The following FREM1 variants were observed in gnomAD, a reference collection of about 807,000 sequenced individuals.
FREM1 encodes the protein FRAS1-related extracellular matrix protein 1.
In FREM1, 220 loss-of-function variants were observed where a neutral mutation model predicts 210.1. The observed-to-expected ratio is 1.05, with a 90% CI of 0.94 to 1.17. FREM1 has a LOEUF of 1.17. Among genes scored for constraint, FREM1 ranks in the 50% most tolerant of loss-of-function variants. FREM1 has a pLI of 0.00. For synonymous variants in FREM1, 1,189 were observed against 980.2 expected (o/e 1.21, Z -3.98); for missense variants, 3,454 against 2,675.5 (o/e 1.29, Z -6.42).
chr9:14,764,179 C>T (rs141247743), intron 27 of FREM1, among the ~76,000 whole-genome samples: 65 of 152,292 alleles, frequency 4.3e-4, no homozygotes, highest in African/African-American at 1.6e-3. Context: ...TTCTCTCTTG[C>T]CTGCCACCAT....
At chr9:14,739,303 T>C (rs917425763) in intron 36 of FREM1, among the ~76,000 whole-genome samples, 1 of 151,338 alleles carries the variant, frequency 6.6e-6, no homozygotes, top group Non-Finnish European at 1.5e-5. Context: ...AAGGTCTCAC[T>C]ATGTTGCCTA....
intron 29 of FREM1, among the ~76,000 whole-genome samples, chr9:14,754,799 T>G (rs552757077): frequency 2.0e-5 from 3 of 152,172 alleles, no homozygotes; most frequent in African/African-American, 7.2e-5. Context: ...CCAGGTGTGG[T>G]GGTGTGCGCC....
chr9:14,813,875 G>A (rs1449296327), intron 15 of FREM1, among the ~76,000 whole-genome samples: 2 of 152,118 alleles, frequency 1.3e-5, no homozygotes, highest in Non-Finnish European at 2.9e-5. Context: ...CTTCCCTAAT[G>A]CTCAGCCAAA....
intron 23 of FREM1, among the ~76,000 whole-genome samples, chr9:14,785,539 T>G (rs1332116925): frequency 1.3e-5 from 2 of 152,178 alleles, no homozygotes; most frequent in Non-Finnish European, 2.9e-5. Context: ...ACAACTCAAG[T>G]GCCTCTCAAC....
At chr9:14,746,231 AG>A (rs1842399105) in intron 35 of FREM1, 121 bp downstream of exon 35, 1 of 673,958 alleles carries the variant, frequency 1.5e-6, no homozygotes, top group Non-Finnish European at 2.5e-6. Flanking sequence ...CCTAAAACAA[AG>A]CCAGGCAGAT....
intron 21 of FREM1, among the ~76,000 whole-genome samples, chr9:14,796,553 A>C (rs542644612): frequency 6.6e-6 from 1 of 152,284 alleles, no homozygotes; most frequent in South Asian, 2.1e-4. Flanking sequence ...TCCTCACCCA[A>C]ATCTCATCTT....
chr9:14,781,206 A>G (rs1849593315), intron 24 of FREM1, among the ~76,000 whole-genome samples: 1 of 152,180 alleles, frequency 6.6e-6, no homozygotes, highest in African/African-American at 2.4e-5. Flanking sequence ...ACACTATTGC[A>G]TCTCTCGCAA....
At chr9:14,859,126 C>G in intron 4 of FREM1, 57 bp downstream of exon 4, 1 of 1,372,268 alleles carries the variant, frequency 7.3e-7, no homozygotes, top group African/African-American at 1.4e-5. Flanking sequence ...GGTGAGCATG[C>G]ATGGATATTT....
intron 10 of FREM1, among the ~76,000 whole-genome samples, chr9:14,834,327 T>C (rs952218209): frequency 6.6e-6 from 1 of 152,196 alleles, no homozygotes; most frequent in African/African-American, 2.4e-5. Context: ...TCCCATGGTA[T>C]CTATATGGTC....
At chr9:14,851,646 A>G in intron 5 of FREM1, 39 bp from the exon 6 acceptor site, 1 of 1,429,818 alleles carries the variant, frequency 7.0e-7, no homozygotes, top group South Asian at 1.1e-5. Context: ...AGGAAATAAT[A>G]TGAATGAGGT....
chr9:14,860,884 C>T (rs1181479047), intron 3 of FREM1, among the ~76,000 whole-genome samples: 5 of 57,274 alleles, frequency 8.7e-5, no homozygotes, highest in African/African-American at 3.5e-4. Context: ...CGTATATATA[C>T]ACATATATAC....
At chr9:14,825,028 A>T (rs370556513) in intron 10 of FREM1, 36 bp from the exon 11 acceptor site, 825 of 1,449,014 alleles carry the variant, frequency 5.7e-4, no homozygotes, top group Non-Finnish European at 6.6e-4. Flanking sequence ...AATTTGAAAT[A>T]CCAAAAAAAC....
At chr9:14,835,781 C>T (rs996927122) in intron 10 of FREM1, among the ~76,000 whole-genome samples, 1 of 152,140 alleles carries the variant, frequency 6.6e-6, no homozygotes, top group Non-Finnish European at 1.5e-5. Flanking sequence ...AATAATCAGG[C>T]CAACTATAAG....
At chr9:14,797,199 G>T (rs1265080756) in intron 21 of FREM1, among the ~76,000 whole-genome samples, 2 of 152,202 alleles carry the variant, frequency 1.3e-5, no homozygotes, top group Non-Finnish European at 2.9e-5. Context: ...GTAAGTGCAT[G>T]TATTTATATG....
Position 14,868,679 on chromosome 9 carries a change from C to A in FREM1, c.234+65G>T, listed in dbSNP as rs1448681363. The A allele has an allele frequency of 5.0e-6, 5 of 1,004,690 alleles. No homozygotes were observed. In the Admixed American group the frequency reaches 6.0e-5, roughly 12 times the overall value. 62.2% of individuals were successfully genotyped at this position (1,004,690 alleles called of 1,614,324 possible). The stretch of plus-strand genomic sequence containing the variant: ...CATTTTACATCTGTTCTCTGTCCCC[C>A]CACACATTTTCATACACTTGCATTC... On this transcript the variant is annotated intron_variant, in intron 2 of 36. Transcript: ENST00000380880.
chr9:14,866,177 T>G lies in FREM1; in HGVS notation c.235-2274A>C, dbSNP rs550132774. Among the ~76,000 whole-genome samples the G allele has an allele frequency of 7.9e-5, 12 of 152,318 alleles. 1 individual carries two copies. The South Asian group carries it at 2.5e-3, about 32-fold the overall frequency. On this transcript the variant is annotated intron_variant, in intron 2 of 36. Coordinates refer to ENST00000380880, the MANE Select transcript of FREM1 (RefSeq NM_001379081.2). The stretch of plus-strand genomic sequence containing the variant: ...TCAGCAACCAAGGCAATTTGTGGTT[T>G]CTCCTCTATACTGTCTTTCTAGTAA...
chr9:14,862,265 G>A (rs576436921), intron 3 of FREM1, among the ~76,000 whole-genome samples: 1 of 152,268 alleles, frequency 6.6e-6, no homozygotes, highest in East Asian at 1.9e-4. Flanking sequence ...GCCTGTAATA[G>A]GTGGTCATAA....
At chr9:14,896,921 T>C (rs1251811654) in intron 1 of FREM1, among the ~76,000 whole-genome samples, 2 of 152,208 alleles carry the variant, frequency 1.3e-5, no homozygotes, top group African/African-American at 4.8e-5. Flanking sequence ...GATCATCTCA[T>C]CTGCATTCCT....
intron 8 of FREM1, among the ~76,000 whole-genome samples, chr9:14,845,051 C>A (rs756155463): frequency 2.7e-4 from 41 of 152,268 alleles, no homozygotes; most frequent in Admixed American, 1.4e-3. Context: ...TCCCTGCTCA[C>A]AAATGATGGT....
Sources: gnomAD v4.1 joint callset for allele counts (sites outside exome capture counted in the v4.1 genomes callset) on GRCh38, gnomAD v4.1.1 for gene constraint, MANE v1.5 for transcripts, NCBI Gene and HGNC (gene_info 2026-07-23, HGNC 2026-07-21) for gene names.